GTF2F2: variants seen among roughly 807,000 people sequenced by gnomAD.
GTF2F2 encodes ATP-dependent helicase GTF2F2.
Under a neutral mutation model 42.2 loss-of-function variants are expected in GTF2F2, and 23 were observed. The observed-to-expected ratio is 0.55, with a 90% CI of 0.39 to 0.77. The LOEUF is 0.77. Ranked by LOEUF, GTF2F2 falls within the 30% of genes least tolerant of loss-of-function variation. The probability of loss-of-function intolerance (pLI) is 0.00; values close to 1 mark genes in which losing one functional copy is unlikely to be tolerated. For missense variants in GTF2F2, 261 were observed against 287.2 expected, an observed-to-expected ratio of 0.91 and a Z score of 0.66; for synonymous variants, 105 against 100.8, an observed-to-expected ratio of 1.04 and a Z score of -0.25.
At position 45,190,664 on chromosome 13, in the gene GTF2F2, A is replaced by G. The variant is rs9562597; in HGVS notation, c.305-16760A>G. Among the ~76,000 whole-genome samples, 134 of 152,338 alleles carry G rather than the reference A, an allele frequency of 8.8e-4. No individual in the cohort carries two copies. The East Asian group carries it at 0.011, about 13-fold the overall frequency. ...GTTCCTAGCATGGTATCCGGCATAT[A>G]GTAAAATGCTTAATAAATGTTAGCT... On this transcript the variant is annotated intron_variant, in intron 4 of 7. Coordinates refer to ENST00000340473, the MANE Select transcript of GTF2F2 (RefSeq NM_004128.3).
chr13:45,273,070 C>T (rs899112548), intron 7 of GTF2F2, among the ~76,000 whole-genome samples: 11 of 151,476 alleles, frequency 7.3e-5, no homozygotes, highest in Middle Eastern at 3.4e-3. Flanking sequence ...GAATTACGGG[C>T]GCCCGCCACC....
intron 7 of GTF2F2, among the ~76,000 whole-genome samples, chr13:45,272,406 G>A (rs1482712976): frequency 2.9e-5 from 4 of 139,946 alleles, no homozygotes; most frequent in African/African-American, 8.5e-5. Flanking sequence ...CTTTTTATAT[G>A]GTTTTGTTTT....
intron 4 of GTF2F2, among the ~76,000 whole-genome samples, chr13:45,168,824 CTTCCCTCCCTCTTTCCTTCCCTCCCTCT>C (rs1382104879): frequency 2.1e-5 from 3 of 140,456 alleles, no homozygotes; most frequent in Non-Finnish European, 4.6e-5. Context: ...TCCTTCCTTC[CTTCCCTCCCTCTTTCCTTCCCTCCCTCT>C]TTCCTTCCCT....
intron 5 of GTF2F2, among the ~76,000 whole-genome samples, chr13:45,212,363 C>G (rs1387940788): frequency 6.6e-6 from 1 of 152,154 alleles, no homozygotes; most frequent in African/African-American, 2.4e-5. Flanking sequence ...CCCACATATG[C>G]TTGGCACTTG....
intron 5 of GTF2F2, among the ~76,000 whole-genome samples, chr13:45,252,033 A>G (rs991390502): frequency 6.6e-6 from 1 of 152,222 alleles, no homozygotes; most frequent in African/African-American, 2.4e-5. Context: ...GCTATACTTA[A>G]TATAAAACAA....
chr13:45,137,456 C>A (rs1869688720), intron 2 of GTF2F2, among the ~76,000 whole-genome samples: 1 of 152,202 alleles, frequency 6.6e-6, no homozygotes, highest in Non-Finnish European at 1.5e-5. Context: ...GCTTTTGCTT[C>A]ATAACAAACC....
At chr13:45,276,148 G>A (rs1017264648) in intron 7 of GTF2F2, among the ~76,000 whole-genome samples, 29 of 152,130 alleles carry the variant, frequency 1.9e-4, no homozygotes, top group Admixed American at 1.1e-3. Context: ...TTTTTGATCT[G>A]CCATTAGTTG....
At chr13:45,135,563 C>T (rs533281456) in intron 1 of GTF2F2, among the ~76,000 whole-genome samples, 1 of 152,310 alleles carries the variant, frequency 6.6e-6, no homozygotes, top group African/African-American at 2.4e-5. Flanking sequence ...CAGCCCTGTT[C>T]AGTAACTTTT....
chr13:45,157,829 C>T (rs1870837816), intron 4 of GTF2F2, among the ~76,000 whole-genome samples: 1 of 152,124 alleles, frequency 6.6e-6, no homozygotes, highest in South Asian at 2.1e-4. Flanking sequence ...AGCTGTCCAC[C>T]TGCCTCGGCC....
At chr13:45,240,484 T>A (rs1436407602) in intron 5 of GTF2F2, among the ~76,000 whole-genome samples, 1 of 152,162 alleles carries the variant, frequency 6.6e-6, no homozygotes, top group African/African-American at 2.4e-5. Flanking sequence ...GAATTGCTCA[T>A]TTTAAAAATT....
intron 4 of GTF2F2, among the ~76,000 whole-genome samples, chr13:45,195,516 G>T (rs1256319270): frequency 6.7e-6 from 1 of 148,782 alleles, no homozygotes; most frequent in Non-Finnish European, 1.5e-5. Context: ...AGTGTCATGG[G>T]TAAGTTAGTT....
At chr13:45,190,705 AAAGT>A (rs1197387898) in intron 4 of GTF2F2, among the ~76,000 whole-genome samples, 2 of 152,186 alleles carry the variant, frequency 1.3e-5, no homozygotes, top group African/African-American at 4.8e-5. Flanking sequence ...TATCACCCTA[AAAGT>A]AAGTAACATT....
intron 2 of GTF2F2, among the ~76,000 whole-genome samples, chr13:45,142,460 G>A (rs895927585): frequency 2.0e-5 from 3 of 152,158 alleles, no homozygotes; most frequent in Non-Finnish European, 2.9e-5. Flanking sequence ...GAGCCACCAC[G>A]TCTGGCCCTC....
At chr13:45,236,945 G>T (rs1875023229) in intron 5 of GTF2F2, among the ~76,000 whole-genome samples, 1 of 152,120 alleles carries the variant, frequency 6.6e-6, no homozygotes, top group African/African-American at 2.4e-5. Flanking sequence ...TAAAAAAATG[G>T]TTATCATGAG....
At chr13:45,271,182 C>T (rs992462936) in intron 7 of GTF2F2, among the ~76,000 whole-genome samples, 4 of 151,856 alleles carry the variant, frequency 2.6e-5, no homozygotes, top group Non-Finnish European at 5.9e-5. Flanking sequence ...GTCCCAGCTA[C>T]TCAGGAGCTG....
At chr13:45,172,988 A>G (rs1871671949) in intron 4 of GTF2F2, among the ~76,000 whole-genome samples, 2 of 152,122 alleles carry the variant, frequency 1.3e-5, no homozygotes, top group African/African-American at 4.8e-5. Flanking sequence ...AATTTTTGCA[A>G]AAAGTAAAAA....
intron 4 of GTF2F2, among the ~76,000 whole-genome samples, chr13:45,181,480 G>C (rs1398383719): frequency 2.6e-5 from 4 of 152,054 alleles, no homozygotes; most frequent in Non-Finnish European, 4.4e-5. Flanking sequence ...TCAATTACTT[G>C]TATATGAACA....
At chr13:45,198,359 A>C (rs1031445526) in intron 4 of GTF2F2, among the ~76,000 whole-genome samples, 2 of 152,222 alleles carry the variant, frequency 1.3e-5, no homozygotes, top group African/African-American at 4.8e-5. Flanking sequence ...ATGCCATGGA[A>C]GGAAGTGAAA....
Position 45,166,366 on chromosome 13 carries a change from A to T in GTF2F2, c.304+14535A>T, listed in dbSNP as rs186414447. Among the ~76,000 whole-genome samples, 19 of 152,322 alleles carry T rather than the reference A, an allele frequency of 1.2e-4. No individual in the cohort carries two copies. In the East Asian group the frequency reaches 3.7e-3, roughly 29 times the overall value. On this transcript the variant is annotated intron_variant, in intron 4 of 7. Coordinates refer to ENST00000340473, the MANE Select transcript of GTF2F2 (RefSeq NM_004128.3). ...ATATAGGTTATAGCATCCCCTGGTG[A>T]AGATGCACTTCGTCAAGTCATTCAT...
Sources: gnomAD v4.1 joint callset for allele counts (sites outside exome capture counted in the v4.1 genomes callset) on GRCh38, gnomAD v4.1.1 for gene constraint, MANE v1.5 for transcripts, NCBI Gene and HGNC (gene_info 2026-07-23, HGNC 2026-07-21) for gene names.